NEDD4: variants seen among roughly 807,000 people sequenced by gnomAD.
The protein encoded by NEDD4 is NEDD4 E3 ubiquitin protein ligase, also known as E3 ubiquitin-protein ligase NEDD4.
A neutral mutation model predicts 144.9 loss-of-function variants in NEDD4; 99 were observed. That is an observed-to-expected ratio of 0.68 (90% CI 0.58 to 0.81). NEDD4 has a LOEUF of 0.81. Ranked by LOEUF, NEDD4 falls within the 30% of genes least tolerant of loss-of-function variation. The pLI, the probability that NEDD4 is intolerant of heterozygous loss-of-function variation, is 0.00. For synonymous variants in NEDD4, 318 were observed against 350.6 expected, an observed-to-expected ratio of 0.91 and a Z score of 1.04; for missense variants, 985 against 1,065.9, an observed-to-expected ratio of 0.92 and a Z score of 1.06.
intron 5 of NEDD4, among the ~76,000 whole-genome samples, chr15:55,906,005 T>C (rs1317152170): frequency 6.6e-6 from 1 of 152,186 alleles, no homozygotes; most frequent in East Asian, 1.9e-4. Context: ...AGAAGACATT[T>C]ATGCAGCCAA....
At chr15:55,910,848 T>A (rs1232819144) in intron 5 of NEDD4, among the ~76,000 whole-genome samples, 1 of 152,242 alleles carries the variant, frequency 6.6e-6, no homozygotes, top group Non-Finnish European at 1.5e-5. Context: ...TTAATTCATT[T>A]ATAATCCATG....
intron 5 of NEDD4, chr15:55,916,979 T>C: frequency 7.2e-7 from 1 of 1,381,620 alleles, no homozygotes; most frequent in Admixed American, 3.2e-5. Context: ...TTATCCTAAG[T>C]AAAACATTAG....
chr15:55,879,048 T>C (rs1236741289), intron 5 of NEDD4, among the ~76,000 whole-genome samples: 1 of 152,236 alleles, frequency 6.6e-6, no homozygotes. Flanking sequence ...AGTCTCAAAC[T>C]ACTGACCCCA....
intron 2 of NEDD4, among the ~76,000 whole-genome samples, chr15:55,960,689 T>C (rs1351205343): frequency 6.6e-6 from 1 of 152,010 alleles, no homozygotes; most frequent in Non-Finnish European, 1.5e-5. Context: ...ATTAGTTCTG[T>C]CCCCCTAGAG....
rs1408134086 is a variant in NEDD4 at position 55,937,305 on chromosome 15, A to G, written c.238-12606T>C. ...CAACAGACATTTTTATGGCGAATAC[A>G]TTCAGTTCAAAACATTCTGGGCTAT... On this transcript the variant is annotated intron_variant, in intron 4 of 28. Transcript: ENST00000435532. Among the ~76,000 whole-genome samples the G allele has an allele frequency of 2.6e-5, 4 of 152,210 alleles. No individual in the cohort carries two copies. The East Asian group carries it at 7.7e-4, about 29-fold the overall frequency.
chr15:55,860,145 A>G (rs1396682356), intron 11 of NEDD4, among the ~76,000 whole-genome samples: 1 of 152,120 alleles, frequency 6.6e-6, no homozygotes, highest in Non-Finnish European at 1.5e-5. Flanking sequence ...AATAAACCCA[A>G]CTTGTTCAAT....
At chr15:55,868,018 T>TAG (rs2034644052) in intron 8 of NEDD4, among the ~76,000 whole-genome samples, 1 of 145,744 alleles carries the variant, frequency 6.9e-6, no homozygotes, top group Non-Finnish European at 1.5e-5. Flanking sequence ...ATTGCACCAC[T>TAG]GCACTCCAGC....
chr15:55,964,060 C>G (rs1241585187), intron 2 of NEDD4, among the ~76,000 whole-genome samples: 1 of 152,094 alleles, frequency 6.6e-6, no homozygotes, highest in Non-Finnish European at 1.5e-5. Context: ...TGGCTTTCAA[C>G]AGTTTGACTA....
At chr15:55,920,338 A>C (rs768091963) in intron 5 of NEDD4, among the ~76,000 whole-genome samples, 12 of 152,108 alleles carry the variant, frequency 7.9e-5, no homozygotes, top group Non-Finnish European at 1.6e-4. Context: ...CAGGGTCTCC[A>C]CCCAGAATAT....
chr15:55,983,096 T>C (rs551229793), intron 1 of NEDD4, among the ~76,000 whole-genome samples: 4 of 151,880 alleles, frequency 2.6e-5, no homozygotes, highest in Non-Finnish European at 5.9e-5. Context: ...CACTTCAGCC[T>C]GGGCAACAAG....
chr15:55,956,037 C>T (rs1436375701), intron 2 of NEDD4, among the ~76,000 whole-genome samples: 6 of 152,006 alleles, frequency 3.9e-5, no homozygotes, highest in Admixed American at 1.3e-4. Flanking sequence ...TGGTCTCGAA[C>T]TCCAGGGCTC....
chr15:55,933,566 A>G (rs569225157), intron 4 of NEDD4, among the ~76,000 whole-genome samples: 2 of 150,752 alleles, frequency 1.3e-5, no homozygotes, highest in African/African-American at 4.9e-5. Flanking sequence ...GGATAGCATT[A>G]GGAGATGTAC....
At position 55,863,069 on chromosome 15, in the gene NEDD4, AC is replaced by A; in HGVS notation, c.517del (p.Val173LeufsTer38). 6.3e-7 allele frequency: 1 copy of A among 1,577,884 alleles called. No homozygotes were observed. The highest frequency in any genetic ancestry group is 8.6e-7 in the Non-Finnish European group (1 of 1,156,092). ...AGCAGCATCTGGTTGGTCCAAAACAACCCAGCCAGGCTGAAAAACAGGATGG... is the reference window on the plus strand; with the variant it reads ...AGCAGCATCTGGTTGGTCCAAAACAACCAGCCAGGCTGAAAAACAGGATGG... ...EQAEELEPGW[V>X]VLDQPDAACH... is the part of the protein sequence containing the mutation. On this transcript the variant is annotated frameshift_variant, in exon 9 of 29. Coordinates refer to ENST00000435532, the MANE Select transcript of NEDD4 (RefSeq NM_006154.4). LOFTEE classifies it high-confidence loss of function.
In NEDD4 at chr15:55,947,652, G is replaced by A. The variant is rs938906214; in HGVS notation, c.237+3724C>T. The stretch of plus-strand genomic sequence containing the variant: ...GGGATGCAAGGCTGGTTCAACATAC[G>A]CAATCAATAAACGTAATCCAGCATA... On this transcript the variant is annotated intron_variant, in intron 4 of 28. Transcript: ENST00000435532. Among the ~76,000 whole-genome samples, 34 of 152,092 alleles carry A rather than the reference G, an allele frequency of 2.2e-4. 1 individual carries two copies. Among genetic ancestry groups the A allele is most frequent in the African/African-American group, 4.8e-4 (20 of 41,408 alleles).
intron 2 of NEDD4, among the ~76,000 whole-genome samples, chr15:55,952,238 G>A (rs188258902): frequency 1.7e-3 from 254 of 152,154 alleles, no homozygotes; most frequent in Non-Finnish European, 2.9e-3. Context: ...GGAGGCTGAG[G>A]CAGGAGAATG....
chr15:55,868,150 C>A (rs1320951522), intron 8 of NEDD4, among the ~76,000 whole-genome samples: 1 of 152,060 alleles, frequency 6.6e-6, no homozygotes, highest in Non-Finnish European at 1.5e-5. Context: ...CCAGAAAGCT[C>A]TGCTGCAAAT....
rs575489158 is a variant in NEDD4, at chr15:55,952,943, C to T, written c.120-1354G>A. On this transcript the variant is annotated intron_variant, in intron 2 of 28. Coordinates refer to ENST00000435532, the MANE Select transcript of NEDD4 (RefSeq NM_006154.4). ...AACAAGAACACTTATATAGCAATTA[C>T]TCAGTGCCAGACACCACTGTAATCA... Among the ~76,000 whole-genome samples, 75 of 152,186 alleles carry T rather than the reference C, an allele frequency of 4.9e-4. 1 individual carries two copies. Among genetic ancestry groups the T allele is most frequent in the East Asian group, 4.1e-3 (21 of 5,182 alleles).
At chr15:55,900,786 T>A (rs1317159282) in intron 5 of NEDD4, among the ~76,000 whole-genome samples, 1 of 152,172 alleles carries the variant, frequency 6.6e-6, no homozygotes, top group Admixed American at 6.5e-5. Flanking sequence ...TGTCAACAAC[T>A]GCCAACTAAA....
At chr15:55,884,856 T>A (rs1432259609) in intron 5 of NEDD4, among the ~76,000 whole-genome samples, 1 of 152,014 alleles carries the variant, frequency 6.6e-6, no homozygotes, top group Non-Finnish European at 1.5e-5. Flanking sequence ...TTTAAAGAAG[T>A]AGAGACAGAG....
Sources: allele counts gnomAD v4.1 joint callset (sites outside exome capture counted in the v4.1 genomes callset), GRCh38; gene constraint gnomAD v4.1.1; transcripts MANE v1.5; gene names NCBI Gene and HGNC (gene_info 2026-07-23, HGNC 2026-07-21).